Variants in CDH18 observed in about 807,000 individuals in gnomAD.
The protein encoded by CDH18 is cadherin 18.
CDH18 carries 31 observed loss-of-function variants against 67.9 expected under a neutral mutation model. That is an observed-to-expected ratio of 0.46 (90% CI 0.34 to 0.62). The LOEUF is 0.62. Among genes scored for constraint, CDH18 ranks in the 20% least tolerant of loss-of-function variants. The pLI, the probability that CDH18 is intolerant of heterozygous loss-of-function variation, is 0.01. For missense variants in CDH18, 890 were observed against 975.5 expected (o/e 0.91, Z 1.17); for synonymous variants, 362 against 347.2 (o/e 1.04, Z -0.48).
At chr5:20,019,358 G>A (rs181774439) in intron 2 of CDH18, among the ~76,000 whole-genome samples, 49 of 152,262 alleles carry the variant, frequency 3.2e-4, no homozygotes, top group African/African-American at 1.1e-3. Context: ...GTAACACAGA[G>A]TCATTATAAA....
At chr5:19,854,746 C>T (rs1204378501) in intron 2 of CDH18, among the ~76,000 whole-genome samples, 3 of 151,950 alleles carry the variant, frequency 2.0e-5, no homozygotes, top group South Asian at 2.1e-4. Context: ...GTATAGTAGG[C>T]TACTATTTTT....
chr5:19,623,286 G>T (rs1399107732), intron 5 of CDH18, among the ~76,000 whole-genome samples: 6 of 152,150 alleles, frequency 3.9e-5, no homozygotes, highest in Admixed American at 2.0e-4. Context: ...TGTAATTAAT[G>T]AATAGTTATA....
At chr5:20,417,323 A>G (rs1295571679) in intron 1 of CDH18, among the ~76,000 whole-genome samples, 4 of 152,096 alleles carry the variant, frequency 2.6e-5, no homozygotes. Context: ...CTAGATATTT[A>G]TTTCCCTGGA....
chr5:19,850,309 C>A (rs187830767), intron 2 of CDH18, among the ~76,000 whole-genome samples: 1 of 151,318 alleles, frequency 6.6e-6, no homozygotes, highest in East Asian at 1.9e-4. Context: ...AAATGAGGCA[C>A]GAAATTTAAT....
At chr5:20,118,925 A>C (rs540933017) in intron 2 of CDH18, among the ~76,000 whole-genome samples, 1 of 152,292 alleles carries the variant, frequency 6.6e-6, no homozygotes, top group Non-Finnish European at 1.5e-5. Context: ...ACTAACAGGT[A>C]ATTTGCATTT....
chr5:20,536,308 G>T (rs1419888962), intron 1 of CDH18, among the ~76,000 whole-genome samples: 1 of 152,014 alleles, frequency 6.6e-6, no homozygotes, highest in African/African-American at 2.4e-5. Flanking sequence ...TAATACTCTA[G>T]CAAAAATATC....
intron 1 of CDH18, among the ~76,000 whole-genome samples, chr5:20,419,335 C>T (rs12521246): frequency 0.38 from 58,049 of 151,572 alleles, 13,415 homozygotes; most frequent in Non-Finnish European, 0.52. Context: ...CGGACTAATA[C>T]ACACCCTTCA....
At chr5:19,986,500 T>C (rs1177469702) in intron 1 of CDH18, among the ~76,000 whole-genome samples, 1 of 152,352 alleles carries the variant, frequency 6.6e-6, no homozygotes, top group Middle Eastern at 3.4e-3. Context: ...TTTTGTTTGT[T>C]TGGTTGGTTT....
chr5:20,550,403 A>G (rs1217522833), intron 1 of CDH18, among the ~76,000 whole-genome samples: 2 of 152,234 alleles, frequency 1.3e-5, no homozygotes, highest in African/African-American at 2.4e-5. Context: ...TTAGTAATAC[A>G]AGGACCTAAA....
chr5:19,506,919 T>G (rs192783147), intron 10 of CDH18, among the ~76,000 whole-genome samples: 120 of 152,218 alleles, frequency 7.9e-4, no homozygotes, highest in Admixed American at 3.7e-3. Flanking sequence ...CTAATTAAAC[T>G]AAAGAGCTTC....
intron 1 of CDH18, among the ~76,000 whole-genome samples, chr5:20,277,046 T>C (rs1024318950): frequency 2.6e-5 from 4 of 152,152 alleles, no homozygotes; most frequent in African/African-American, 9.6e-5. Context: ...CGTCAGGCCC[T>C]GGCTTCAGGA....
intron 2 of CDH18, among the ~76,000 whole-genome samples, chr5:20,236,000 A>G (rs1742447780): frequency 6.6e-6 from 1 of 152,170 alleles, no homozygotes; most frequent in African/African-American, 2.4e-5. Context: ...ACACAGAAAC[A>G]TGTTCTCACT....
chr5:20,573,106 T>C (rs1387302513), intron 1 of CDH18, among the ~76,000 whole-genome samples: 1 of 151,980 alleles, frequency 6.6e-6, no homozygotes, highest in Non-Finnish European at 1.5e-5. Flanking sequence ...ATATGGGAAA[T>C]CAAATTTCTT....
intron 1 of CDH18, among the ~76,000 whole-genome samples, chr5:20,386,459 A>G (rs1744316171): frequency 6.6e-6 from 1 of 152,126 alleles, no homozygotes; most frequent in Non-Finnish European, 1.5e-5. Context: ...CCATATGTGT[A>G]TCTTGCAATT....
chr5:20,204,874 T>C (rs1739757653), intron 2 of CDH18, among the ~76,000 whole-genome samples: 1 of 151,960 alleles, frequency 6.6e-6, no homozygotes, highest in Non-Finnish European at 1.5e-5. Flanking sequence ...AAGTTGTTTT[T>C]ATAAGTTCAT....
intron 5 of CDH18, among the ~76,000 whole-genome samples, chr5:19,685,927 A>ACTCC (rs1416967827): frequency 6.6e-6 from 1 of 152,096 alleles, no homozygotes; most frequent in African/African-American, 2.4e-5. Flanking sequence ...ACTCCATTTG[A>ACTCC]ATTATAGCCC....
intron 1 of CDH18, among the ~76,000 whole-genome samples, chr5:20,385,364 T>A (rs747051434): frequency 8.5e-5 from 13 of 152,108 alleles, no homozygotes; most frequent in Non-Finnish European, 1.5e-4. Flanking sequence ...GTAATTCTGA[T>A]CTAATAGTTC....
chr5:19,994,392 A>G (rs1579981598), intron 2 of CDH18, among the ~76,000 whole-genome samples: 1 of 151,134 alleles, frequency 6.6e-6, no homozygotes, highest in Non-Finnish European at 1.5e-5. Flanking sequence ...TGATATAATA[A>G]GTAATGTTGT....
chr5:19,887,164 T>A (rs557912743), intron 2 of CDH18, among the ~76,000 whole-genome samples: 1 of 151,532 alleles, frequency 6.6e-6, no homozygotes, highest in African/African-American at 2.4e-5. Context: ...TTTGTTTTTT[T>A]TTTTTGCTAC....
Sources: allele counts gnomAD v4.1 joint callset (sites outside exome capture counted in the v4.1 genomes callset), GRCh38; gene constraint gnomAD v4.1.1; transcripts MANE v1.5; gene names NCBI Gene and HGNC (gene_info 2026-07-23, HGNC 2026-07-21).